SULF1: variants seen among roughly 807,000 people sequenced by gnomAD.
SULF1 encodes the protein extracellular sulfatase Sulf-1.
A neutral mutation model predicts 110.5 loss-of-function variants in SULF1; 46 were observed. That is an observed-to-expected ratio of 0.42 (90% CI 0.33 to 0.53). The LOEUF (loss-of-function observed/expected upper bound fraction) is 0.53, where lower values mean the gene tolerates loss of function less well. Ranked by LOEUF, SULF1 falls within the 20% of genes least tolerant of loss-of-function variation. SULF1 has a pLI of 0.12. For missense variants in SULF1, 941 were observed against 1,094.2 expected (o/e 0.86, Z 1.98); for synonymous variants, 371 against 387.1 (o/e 0.96, Z 0.49).
chr8:69,611,483 C>A (rs1007926691), intron 13 of SULF1, among the ~76,000 whole-genome samples: 3 of 152,126 alleles, frequency 2.0e-5, no homozygotes, highest in East Asian at 1.9e-4. Flanking sequence ...GGAGATAAAT[C>A]CTCCTGGCAC....
At chr8:69,574,865 A>C (rs1204503014) in intron 5 of SULF1, among the ~76,000 whole-genome samples, 1 of 152,248 alleles carries the variant, frequency 6.6e-6, no homozygotes, top group Admixed American at 6.5e-5. Flanking sequence ...CATATGCGTC[A>C]TGTGAACGGT....
chr8:69,489,637 G>A (rs989332476), upstream of SULF1, among the ~76,000 whole-genome samples: 1 of 148,986 alleles, frequency 6.7e-6, no homozygotes, highest in East Asian at 2.0e-4. Context: ...AGTGCAGAGG[G>A]GCGATCTTGG....
At chr8:69,621,554 A>C (rs190577866) in intron 14 of SULF1, among the ~76,000 whole-genome samples, 1 of 152,372 alleles carries the variant, frequency 6.6e-6, no homozygotes, top group East Asian at 1.9e-4. Context: ...GATATGGTTT[A>C]AGTCCATTTT....
chr8:69,489,875 G>A (rs991270430), upstream of SULF1, among the ~76,000 whole-genome samples: 4 of 151,936 alleles, frequency 2.6e-5, no homozygotes, highest in Non-Finnish European at 5.9e-5. Context: ...ATACTGTCGG[G>A]ACACACACAG....
intron 3 of SULF1, among the ~76,000 whole-genome samples, chr8:69,555,256 C>A (rs143026438): frequency 6.6e-6 from 1 of 152,102 alleles, no homozygotes; most frequent in South Asian, 2.1e-4. Context: ...TCTGCCTCTG[C>A]GGGAGGCCAA....
intron 13 of SULF1, among the ~76,000 whole-genome samples, chr8:69,610,055 A>G (rs1264149478): frequency 6.6e-6 from 1 of 152,244 alleles, no homozygotes; most frequent in African/African-American, 2.4e-5. Flanking sequence ...TTTAAGTGGA[A>G]AAAAGCAGCC....
intron 3 of SULF1, among the ~76,000 whole-genome samples, chr8:69,537,599 G>T (rs948951045): frequency 1.3e-5 from 2 of 152,198 alleles, no homozygotes; most frequent in African/African-American, 4.8e-5. Context: ...TCGTCCTCAT[G>T]ACTAAGCCAT....
chr8:69,514,965 A>ACCT (rs1488825287), intron 3 of SULF1, among the ~76,000 whole-genome samples: 1 of 151,974 alleles, frequency 6.6e-6, no homozygotes, highest in Admixed American at 6.6e-5. Flanking sequence ...GCAGGGTACA[A>ACCT]CCTCCTGGGC....
intron 3 of SULF1, among the ~76,000 whole-genome samples, chr8:69,544,020 A>G (rs1814052339): frequency 6.6e-6 from 1 of 152,202 alleles, no homozygotes; most frequent in African/African-American, 2.4e-5. Flanking sequence ...CAAGTTTATC[A>G]AATTATATTC....
chr8:69,624,573 A>G (rs1424164143), intron 15 of SULF1, among the ~76,000 whole-genome samples: 1 of 152,252 alleles, frequency 6.6e-6, no homozygotes, highest in African/African-American at 2.4e-5. Flanking sequence ...ACAATTTCAG[A>G]GGCTGGAAGT....
chr8:69,569,073 G>C (rs16936118), intron 5 of SULF1, among the ~76,000 whole-genome samples: 7,031 of 152,182 alleles, frequency 0.046, 408 homozygotes, highest in African/African-American at 0.14. Flanking sequence ...TTTGGTGCTA[G>C]TCTGAGAAAC....
upstream of SULF1, among the ~76,000 whole-genome samples, chr8:69,491,934 C>T (rs1390117406): frequency 7.2e-5 from 11 of 151,962 alleles, no homozygotes; most frequent in Admixed American, 6.6e-4. Flanking sequence ...GGGATTTGAA[C>T]TGAGCCTTGA....
chr8:69,659,703 A>G lies in SULF1; in HGVS notation c.*1168A>G, dbSNP rs778321343. ...CTTGACACCCCTGGTAAATCTTTCA[A>G]CACACTTCCACTGCCTGCGTAATGA... On this transcript the variant is annotated 3_prime_UTR_variant, in exon 23 of 23. Transcript: ENST00000402687. The G allele has an allele frequency of 6.5e-6, 1 of 154,352 alleles. No homozygotes were observed. Among genetic ancestry groups the G allele is most frequent in the Non-Finnish European group, 1.4e-5 (1 of 69,204 alleles). 9.6% of individuals were successfully genotyped at this position (154,352 alleles called of 1,614,324 possible).
At chr8:69,504,821 A>G (rs1171867502) in intron 3 of SULF1, among the ~76,000 whole-genome samples, 3 of 152,136 alleles carry the variant, frequency 2.0e-5, no homozygotes, top group African/African-American at 7.2e-5. Flanking sequence ...CTGTATTTAT[A>G]TATCCACAAT....
intron 15 of SULF1, among the ~76,000 whole-genome samples, chr8:69,624,533 C>A (rs1465347452): frequency 6.6e-6 from 1 of 152,212 alleles, no homozygotes; most frequent in Non-Finnish European, 1.5e-5. Context: ...TAAGCAGTTA[C>A]CTTCGCAGGC....
intron 3 of SULF1, among the ~76,000 whole-genome samples, chr8:69,502,457 G>C (rs1213095884): frequency 1.3e-5 from 2 of 152,110 alleles, no homozygotes; most frequent in African/African-American, 4.8e-5. Context: ...GGAGAGTTGT[G>C]GCAACCCATC....
intron 8 of SULF1, among the ~76,000 whole-genome samples, chr8:69,597,902 A>T (rs1432344590): frequency 6.6e-6 from 1 of 152,156 alleles, no homozygotes; most frequent in Non-Finnish European, 1.5e-5. Flanking sequence ...CCAACTTTCT[A>T]TATTTCTCTG....
intron 3 of SULF1, among the ~76,000 whole-genome samples, chr8:69,524,433 C>T (rs1812526247): frequency 6.6e-6 from 1 of 152,052 alleles, no homozygotes; most frequent in Non-Finnish European, 1.5e-5. Context: ...AGAGAGTGAG[C>T]GGTGAGGTGC....
At chr8:69,545,517 T>G (rs4737991) in intron 3 of SULF1, among the ~76,000 whole-genome samples, 81,462 of 151,966 alleles carry the variant, frequency 0.54, 22,507 homozygotes, top group East Asian at 0.66. Flanking sequence ...GACCTGAGCT[T>G]CTTTTCTCTC....
Sources: allele counts gnomAD v4.1 joint callset (sites outside exome capture counted in the v4.1 genomes callset), GRCh38; gene constraint gnomAD v4.1.1; transcripts MANE v1.5; gene names NCBI Gene and HGNC (gene_info 2026-07-23, HGNC 2026-07-21).